ITPR1: variants seen among roughly 807,000 people sequenced by gnomAD.
ITPR1 encodes inositol 1,4,5-trisphosphate receptor type 1.
Under a neutral mutation model 318.4 loss-of-function variants are expected in ITPR1, and 96 were observed. The ratio of observed to expected loss-of-function variants is 0.30; its 90% confidence interval spans 0.26 to 0.36. ITPR1 has a LOEUF of 0.36. Ranked by LOEUF, ITPR1 falls within the 10% of genes least tolerant of loss-of-function variation. The pLI is 1.00. For missense variants in ITPR1, 2,440 were observed against 3,460.2 expected, an observed-to-expected ratio of 0.71 and a Z score of 7.40; for synonymous variants, 1,312 against 1,289.9, an observed-to-expected ratio of 1.02 and a Z score of -0.37.
intron 36 of ITPR1, among the ~76,000 whole-genome samples, chr3:4,704,344 G>A (rs1049471491): frequency 6.6e-6 from 1 of 152,178 alleles, no homozygotes; most frequent in Non-Finnish European, 1.5e-5. Flanking sequence ...CCTGGGAGGC[G>A]GAGGTTGCGG....
At chr3:4,766,282 G>A (rs867546240) in intron 44 of ITPR1, among the ~76,000 whole-genome samples, 32 of 152,350 alleles carry the variant, frequency 2.1e-4, no homozygotes, top group Middle Eastern at 6.8e-3. Flanking sequence ...CCACACTCGA[G>A]CATGCTCCCA....
At position 4,680,724 on chromosome 3, in the gene ITPR1, A is replaced by C. The variant is rs371430493; in HGVS notation, c.3106+33A>C. ...ATTCAGAATGGAATTTCAGCCATAG[A>C]ATGGGACCTGGCTCTAAGGAAAATG... On this transcript the variant is annotated intron_variant, in intron 25 of 61. Transcript: ENST00000649015. 1.1e-5 allele frequency: 17 copies of C among 1,580,968 alleles called. No homozygotes were observed. The African/African-American group carries it at 2.2e-4, about 20-fold the overall frequency.
chr3:4,662,906 T>G (rs947925898), intron 15 of ITPR1, among the ~76,000 whole-genome samples, 159 bp from the exon 16 acceptor site: 2 of 152,210 alleles, frequency 1.3e-5, no homozygotes, highest in Non-Finnish European at 2.9e-5. Flanking sequence ...TCTTTCACTC[T>G]CTTTGATACT....
intron 37 of ITPR1, among the ~76,000 whole-genome samples, chr3:4,706,582 T>C (rs2094762500): frequency 6.6e-6 from 1 of 152,218 alleles, no homozygotes; most frequent in Non-Finnish European, 1.5e-5. Flanking sequence ...GATTTGCAGA[T>C]TTCTTGGTGA....
At chr3:4,549,425 G>A (rs920565945) in intron 4 of ITPR1, among the ~76,000 whole-genome samples, 1 of 152,208 alleles carries the variant, frequency 6.6e-6, no homozygotes, top group Non-Finnish European at 1.5e-5. Flanking sequence ...TGTAAATGAA[G>A]CATTAAAGTG....
At position 4,710,482 on chromosome 3, in the gene ITPR1, CCT is replaced by C. The variant is rs1382949297; in HGVS notation, c.4991+18_4991+19del. 6.4e-7 allele frequency: 1 copy of C among 1,552,070 alleles called. No homozygotes were observed. Among genetic ancestry groups the C allele is most frequent in the Non-Finnish European group, 8.7e-7 (1 of 1,147,122 alleles). On this transcript the variant is annotated intron_variant, in intron 38 of 61. Coordinates refer to ENST00000649015, the MANE Select transcript of ITPR1 (RefSeq NM_001378452.1). The surrounding 1 kb of genome is among the most constrained non-coding windows in gnomAD (Gnocchi z 4.2). Reference sequence around the variant, plus strand: ...GGCGGTTTCATTTGCAAGTAAGCGGCCTCTCTCTCTGGGGTGTTCATTTGCCA... The same window carrying C: ...GGCGGTTTCATTTGCAAGTAAGCGGCCTCTCTCTGGGGTGTTCATTTGCCA...
Position 4,572,147 on chromosome 3 carries a change from T to C in ITPR1, c.163+51053T>C, listed in dbSNP as rs549750042. ...CCTATGACTTGAAATGCTGTCTTGA[T>C]GCTGATGACTCATAAGTTTCTGTCT... On this transcript the variant is annotated intron_variant, in intron 4 of 61. Transcript: ENST00000649015. Among the ~76,000 whole-genome samples the C allele has an allele frequency of 1.4e-4, 21 of 152,350 alleles. No individual in the cohort carries two copies. The Middle Eastern group carries it at 0.014, about 99-fold the overall frequency.
At chr3:4,703,883 G>A (rs1412493618) in intron 36 of ITPR1, among the ~76,000 whole-genome samples, 2 of 152,070 alleles carry the variant, frequency 1.3e-5, no homozygotes, top group African/African-American at 2.4e-5. Flanking sequence ...ATATATACAC[G>A]ACAGGTTCAT....
Position 4,658,172 on chromosome 3 carries a change from G to C in ITPR1, c.1045G>C (p.Glu349Gln). The change falls in exon 13 of 62, where the codon GAA (glutamate) becomes CAA (glutamine). Residue 349 changes from glutamate to glutamine, a missense_variant. Around this residue, in one of 23 missense-constraint regions of ITPR1, gnomAD observed 101 missense variants for 119.6 expected, o/e 0.84. Transcript: ENST00000649015. ...ASRSRLRNAQEKMVYSLVSVP... is the reference protein window; with the variant it reads ...ASRSRLRNAQQKMVYSLVSVP... ...TCGAAGTAGGTTGCGGAATGCCCAA[G>C]AAAAGATGGTATACTCCCTGGTCTC... is the stretch of plus-strand genomic sequence containing the variant. 6.2e-7 allele frequency: 1 copy of C among 1,613,580 alleles called. No homozygotes were observed. The highest frequency in any genetic ancestry group is 2.2e-5 in the East Asian group (1 of 44,850).
At chr3:4,726,718 C>G (rs924560676) in intron 41 of ITPR1, among the ~76,000 whole-genome samples, 1 of 152,140 alleles carries the variant, frequency 6.6e-6, no homozygotes, top group Non-Finnish European at 1.5e-5. Context: ...TGCTCAGAGG[C>G]GTGTGTCTTG....
At chr3:4,535,426 CT>C (rs995497312) in intron 4 of ITPR1, among the ~76,000 whole-genome samples, 1,868 of 112,188 alleles carry the variant, frequency 0.017, 14 homozygotes, top group Non-Finnish European at 0.021. Context: ...AAATTATTTT[CT>C]TTTTTTTTTT....
chr3:4,738,279 C>T (rs1317217728), intron 44 of ITPR1, among the ~76,000 whole-genome samples: 2 of 152,070 alleles, frequency 1.3e-5, no homozygotes, highest in Non-Finnish European at 2.9e-5. Context: ...CTTTACTGTA[C>T]CTATGTTATA....
intron 61 of ITPR1, among the ~76,000 whole-genome samples, chr3:4,840,226 T>G (rs1400769169): frequency 6.6e-6 from 1 of 152,092 alleles, no homozygotes; most frequent in Non-Finnish European, 1.5e-5. Context: ...ACCCTTTATG[T>G]GCAAAAGATA....
intron 40 of ITPR1, 127 bp downstream of exon 40, chr3:4,717,526 C>G: frequency 2.5e-6 from 2 of 807,648 alleles, no homozygotes; most frequent in Non-Finnish European, 4.3e-6. Context: ...GTGGTGTGCC[C>G]TCTGGGAGTG....
intron 4 of ITPR1, among the ~76,000 whole-genome samples, chr3:4,570,192 T>G (rs991965122): frequency 6.6e-6 from 1 of 152,232 alleles, no homozygotes; most frequent in Non-Finnish European, 1.5e-5. Flanking sequence ...TCAAACTTCT[T>G]AAGTTCCCGA....
intron 61 of ITPR1, 52 bp downstream of exon 61, chr3:4,836,987 A>G: frequency 7.2e-7 from 1 of 1,398,516 alleles, no homozygotes; most frequent in Non-Finnish European, 9.6e-7. Flanking sequence ...CCCCACCCAC[A>G]CCCACTATCA....
At chr3:4,793,924 T>C (rs1488878653) in intron 52 of ITPR1, among the ~76,000 whole-genome samples, 1 of 152,232 alleles carries the variant, frequency 6.6e-6, no homozygotes, top group Non-Finnish European at 1.5e-5. Flanking sequence ...TAATTTTATT[T>C]TGGTTGGAAG....
intron 26 of ITPR1, among the ~76,000 whole-genome samples, chr3:4,682,431 C>A (rs1425034604): frequency 6.6e-6 from 1 of 152,150 alleles, no homozygotes; most frequent in Non-Finnish European, 1.5e-5. Context: ...TCAAGCAAAT[C>A]CCATGGCCAA....
In ITPR1 at chr3:4,710,339, G is replaced by A. The variant is rs1248981387; in HGVS notation, c.4857G>A (p.Ala1619=). Residue 1619 remains alanine (A), a synonymous_variant, in exon 38 of 62, where the codon GCG becomes GCA. Transcript: ENST00000649015. This position sits in a 1 kb window ranked among gnomAD's most constrained non-coding sequence, Gnocchi z 4.2. The part of the protein sequence containing the change: ...IIERLQDIVS[A]LEDRLRPLVQ... The stretch of plus-strand genomic sequence containing the variant: ...TTCCGTTTTAGGACATCGTCTCCGC[G>A]CTGGAGGACCGTCTCAGGCCCCTGG... 7.7e-6 allele frequency: 12 copies of A among 1,562,940 alleles called. No homozygotes were observed. Among genetic ancestry groups the A allele is most frequent in the Non-Finnish European group, 8.7e-6 (10 of 1,150,578 alleles).
Sources: allele counts gnomAD v4.1 joint callset (sites outside exome capture counted in the v4.1 genomes callset), GRCh38; gene constraint gnomAD v4.1.1; regional missense constraint gnomAD v4.1.1; non-coding constraint Gnocchi (gnomAD v3.1); transcripts MANE v1.5; gene names NCBI Gene and HGNC (gene_info 2026-07-23, HGNC 2026-07-21).